Variants in CNTN1 observed in about 807,000 individuals in gnomAD.
The protein encoded by CNTN1 is contactin 1.
CNTN1 carries 38 observed loss-of-function variants against 126.4 expected under a neutral mutation model. The observed-to-expected ratio is 0.30, with a 90% CI of 0.23 to 0.39. The LOEUF (loss-of-function observed/expected upper bound fraction) is 0.39, where lower values mean the gene tolerates loss of function less well. Among genes scored for constraint, CNTN1 ranks in the 10% least tolerant of loss-of-function variants. CNTN1 has a pLI of 1.00. For synonymous variants in CNTN1, 413 were observed against 422.6 expected, an observed-to-expected ratio of 0.98 and a Z score of 0.28; for missense variants, 1,009 against 1,248.4, an observed-to-expected ratio of 0.81 and a Z score of 2.89.
chr12:40,853,539 G>A (rs1021900736), intron 1 of CNTN1, among the ~76,000 whole-genome samples: 5 of 152,006 alleles, frequency 3.3e-5, no homozygotes, highest in African/African-American at 1.2e-4. Context: ...CATTGTCTTA[G>A]TCTGGCTTCA....
chr12:40,845,723 TC>T (rs1251682301), intron 1 of CNTN1, among the ~76,000 whole-genome samples: 1 of 152,106 alleles, frequency 6.6e-6, no homozygotes. Context: ...TCAGGGAGCA[TC>T]CCACTTGGTG....
chr12:41,017,857 T>A (rs2120756164), intron 19 of CNTN1, among the ~76,000 whole-genome samples: 1 of 152,066 alleles, frequency 6.6e-6, no homozygotes, highest in Non-Finnish European at 1.5e-5. Context: ...TTAGGGAGGC[T>A]GAGGCAGGTG....
At chr12:40,700,486 A>G (rs533109606) in intron 1 of CNTN1, among the ~76,000 whole-genome samples, 153 of 152,216 alleles carry the variant, frequency 1.0e-3, no homozygotes, top group Middle Eastern at 3.4e-3. Context: ...AGATCATGCC[A>G]TTGCACTCCA....
At position 40,961,851 on chromosome 12, in the gene CNTN1, G is replaced by A. The variant is rs1047340984; in HGVS notation, c.1804+2617G>A. Reference sequence around the variant, plus strand: ...ATTGTGAATTGCTTTTAAAAGATTCGATTTGCACTCAACCCTTCAAAATTA... The same window carrying A: ...ATTGTGAATTGCTTTTAAAAGATTCAATTTGCACTCAACCCTTCAAAATTA... On this transcript the variant is annotated intron_variant, in intron 15 of 23. Coordinates refer to ENST00000551295, the MANE Select transcript of CNTN1 (RefSeq NM_001843.4). Among the ~76,000 whole-genome samples the A allele has an allele frequency of 5.3e-5, 8 of 151,956 alleles. No homozygotes were observed. In the East Asian group the frequency reaches 9.6e-4, roughly 18 times the overall value.
intron 1 of CNTN1, among the ~76,000 whole-genome samples, chr12:40,826,781 T>C (rs1360561374): frequency 6.6e-6 from 1 of 152,240 alleles, no homozygotes; most frequent in Non-Finnish European, 1.5e-5. Flanking sequence ...ACAGTTATCC[T>C]GTACTCTAAC....
chr12:40,937,048 A>C, intron 10 of CNTN1, 143 bp downstream of exon 10: 1 of 994,662 alleles, frequency 1.0e-6, no homozygotes, highest in Non-Finnish European at 1.6e-6. Context: ...AAAAAGACAA[A>C]AACTGAACAT....
At chr12:41,000,632 A>ATT (rs142621235) in intron 17 of CNTN1, among the ~76,000 whole-genome samples, 18 of 151,624 alleles carry the variant, frequency 1.2e-4, no homozygotes, top group African/African-American at 2.7e-4. Flanking sequence ...ATATAGTTTT[A>ATT]TTTTTTTTAA....
intron 23 of CNTN1, among the ~76,000 whole-genome samples, chr12:41,033,108 A>G (rs894287806): frequency 1.3e-5 from 2 of 152,200 alleles, no homozygotes; most frequent in African/African-American, 4.8e-5. Context: ...TTTTAGACAT[A>G]TTTTGGAAAT....
chr12:40,762,549 C>G (rs1176936854), intron 1 of CNTN1, among the ~76,000 whole-genome samples: 2 of 151,994 alleles, frequency 1.3e-5, no homozygotes, highest in Admixed American at 1.3e-4. Context: ...AAAAACTGAG[C>G]ATAAGTTCAA....
chr12:41,014,466 CTGTGGCTTAG>C (rs1055885365), intron 18 of CNTN1, among the ~76,000 whole-genome samples, 168 bp downstream of exon 18: 2 of 152,098 alleles, frequency 1.3e-5, no homozygotes, highest in Non-Finnish European at 2.9e-5. Context: ...ATCTGGCTTA[CTGTGGCTTAG>C]TGTGTAGCTC....
chr12:40,989,153 T>C lies in CNTN1; in HGVS notation c.1964-3967T>C, dbSNP rs1281150184. ...AGCTGACTTCTTTAGGGAGCAGGCCTCTGCTCCCAAACTGCATAGGTGATT... is the reference window on the plus strand; with the variant it reads ...AGCTGACTTCTTTAGGGAGCAGGCCCCTGCTCCCAAACTGCATAGGTGATT... On this transcript the variant is annotated intron_variant, in intron 16 of 23. Coordinates refer to ENST00000551295, the MANE Select transcript of CNTN1 (RefSeq NM_001843.4). Among the ~76,000 whole-genome samples, 3 of 152,104 alleles carry C rather than the reference T, an allele frequency of 2.0e-5. No individual in the cohort carries two copies. The East Asian group carries it at 5.8e-4, about 29-fold the overall frequency.
At chr12:40,918,543 T>C (rs1945325046) in intron 3 of CNTN1, 96 bp from the exon 4 acceptor site, 1 of 1,110,726 alleles carries the variant, frequency 9.0e-7, no homozygotes, top group Non-Finnish European at 1.3e-6. Flanking sequence ...GGAGATTCTG[T>C]TTCTGATTTT....
chr12:40,795,620 C>T (rs1940400399), intron 1 of CNTN1, among the ~76,000 whole-genome samples: 1 of 151,906 alleles, frequency 6.6e-6, no homozygotes, highest in South Asian at 2.1e-4. Flanking sequence ...TATTGTTTCT[C>T]TTAAAAACTA....
At chr12:41,031,360 T>A (rs1439052802) in intron 23 of CNTN1, among the ~76,000 whole-genome samples, 1 of 152,224 alleles carries the variant, frequency 6.6e-6, no homozygotes, top group African/African-American at 2.4e-5. Flanking sequence ...CACATCATTA[T>A]ATGTAATTGC....
intron 1 of CNTN1, among the ~76,000 whole-genome samples, chr12:40,762,189 A>G (rs1938889956): frequency 6.6e-6 from 1 of 152,234 alleles, no homozygotes; most frequent in Non-Finnish European, 1.5e-5. Flanking sequence ...TATGAATTTT[A>G]CTGTTACACA....
rs199626249 is a variant in CNTN1, at chr12:40,877,988, CTTTT to C, written c.-76-30346_-76-30343del. ...TCCCCACCAAAGAAACAGTTTTTTC[CTTTT>C]TTTTTTTTTTTTTTTTTTTTTTGAG... On this transcript the variant is annotated intron_variant, in intron 1 of 23. Coordinates refer to ENST00000551295, the MANE Select transcript of CNTN1 (RefSeq NM_001843.4). Among the ~76,000 whole-genome samples the C allele has an allele frequency of 1.1e-3, 121 of 109,328 alleles. 1 individual carries two copies. The highest frequency in any genetic ancestry group is 3.8e-3 in the African/African-American group (116 of 30,906). The allele number at this position is 109,328 out of a possible 152,430, so 71.7% of individuals were successfully genotyped here.
intron 1 of CNTN1, among the ~76,000 whole-genome samples, chr12:40,833,987 A>G (rs2136559942): frequency 6.6e-6 from 1 of 152,346 alleles, no homozygotes; most frequent in South Asian, 2.1e-4. Flanking sequence ...ATCCTAACAA[A>G]AATAAATTCT....
chr12:41,029,355 C>A, intron 23 of CNTN1, 136 bp downstream of exon 23: 1 of 983,042 alleles, frequency 1.0e-6, no homozygotes, highest in Non-Finnish European at 1.6e-6. Context: ...TCAAGGATTC[C>A]CTGAAACTTG....
intron 1 of CNTN1, among the ~76,000 whole-genome samples, chr12:40,889,141 G>A (rs572250746): frequency 1.3e-5 from 2 of 152,184 alleles, no homozygotes; most frequent in African/African-American, 4.8e-5. Context: ...CTTCCTATCT[G>A]TATACCTGTA....
Sources: gnomAD v4.1 joint callset for allele counts (sites outside exome capture counted in the v4.1 genomes callset) on GRCh38, gnomAD v4.1.1 for gene constraint, MANE v1.5 for transcripts, NCBI Gene and HGNC (gene_info 2026-07-23, HGNC 2026-07-21) for gene names.